CENPP: variants seen among roughly 807,000 people sequenced by gnomAD.
CENPP encodes the protein centromere protein P.
CENPP carries 24 observed loss-of-function variants against 35.6 expected under a neutral mutation model. That is an observed-to-expected ratio of 0.67 (90% CI 0.49 to 0.95). CENPP has a LOEUF of 0.95. CENPP is among the 40% of genes least tolerant of loss of function. The pLI, the probability that CENPP is intolerant of heterozygous loss-of-function variation, is 0.00. For synonymous variants in CENPP, 120 were observed against 125.5 expected (o/e 0.96, Z 0.29); for missense variants, 332 against 345.3 (o/e 0.96, Z 0.31).
chr9:92,589,881 ACT>A (rs968789742), intron 5 of CENPP, among the ~76,000 whole-genome samples: 45 of 152,096 alleles, frequency 3.0e-4, no homozygotes, highest in African/African-American at 9.9e-4. Context: ...ATATTTCCTG[ACT>A]CTATCAGTTT....
intron 5 of CENPP, among the ~76,000 whole-genome samples, chr9:92,402,490 G>C (rs1843157353): frequency 6.6e-6 from 1 of 152,080 alleles, no homozygotes; most frequent in Non-Finnish European, 1.5e-5. Context: ...ATACATAGTG[G>C]GCAACAGATA....
chr9:92,362,653 C>A (rs1297080290), intron 4 of CENPP, among the ~76,000 whole-genome samples: 2 of 152,152 alleles, frequency 1.3e-5, no homozygotes, highest in Admixed American at 1.3e-4. Context: ...GACTTGATGA[C>A]CACACAATTA....
intron 5 of CENPP, among the ~76,000 whole-genome samples, chr9:92,433,762 T>A (rs1023046753): frequency 6.6e-6 from 1 of 151,888 alleles, no homozygotes; most frequent in Non-Finnish European, 1.5e-5. Flanking sequence ...CAAAACCCCA[T>A]CTCTACTAGA....
intron 5 of CENPP, among the ~76,000 whole-genome samples, chr9:92,592,963 T>C (rs1188939481): frequency 6.6e-6 from 1 of 152,230 alleles, no homozygotes; most frequent in Non-Finnish European, 1.5e-5. Context: ...AAACCCAACC[T>C]AAGTTGGCTT....
intron 5 of CENPP, among the ~76,000 whole-genome samples, chr9:92,523,742 C>G (rs548850796): frequency 1.3e-5 from 2 of 152,282 alleles, no homozygotes; most frequent in East Asian, 1.9e-4. Context: ...TAACTAGGAG[C>G]CTGTACGTCT....
intron 5 of CENPP, among the ~76,000 whole-genome samples, chr9:92,598,367 T>G (rs1375580532): frequency 6.6e-6 from 1 of 152,208 alleles, no homozygotes; most frequent in Non-Finnish European, 1.5e-5. Flanking sequence ...GAGCTTTCTA[T>G]AATCACCCTA....
intron 5 of CENPP, among the ~76,000 whole-genome samples, chr9:92,607,774 T>C (rs1278245365): frequency 6.6e-6 from 1 of 152,240 alleles, no homozygotes; most frequent in African/African-American, 2.4e-5. Flanking sequence ...GTTGGTTTTC[T>C]GTAAAGCTCT....
intron 5 of CENPP, among the ~76,000 whole-genome samples, chr9:92,531,495 A>G (rs1412910106): frequency 6.6e-6 from 1 of 152,078 alleles, no homozygotes; most frequent in African/African-American, 2.4e-5. Context: ...TTTAGATCAG[A>G]TTTTTCATCC....
intron 5 of CENPP, among the ~76,000 whole-genome samples, chr9:92,518,101 C>T (rs1847837169): frequency 6.6e-6 from 1 of 152,176 alleles, no homozygotes; most frequent in Non-Finnish European, 1.5e-5. Context: ...GTGAACTCCT[C>T]ATGGTAACTT....
chr9:92,325,715 G>T (rs1481568672), upstream of CENPP: 7 of 377,622 alleles, frequency 1.9e-5, no homozygotes, highest in East Asian at 3.5e-4. Flanking sequence ...GCAGCGGAGC[G>T]CTTGGGCTTG....
chr9:92,358,190 A>T (rs1841644209), intron 4 of CENPP, among the ~76,000 whole-genome samples: 1 of 149,960 alleles, frequency 6.7e-6, no homozygotes, highest in African/African-American at 2.5e-5. Flanking sequence ...CCTACAGTGC[A>T]GAAGTTGGTA....
chr9:92,474,896 A>G, intron 5 of CENPP: 1 of 1,610,534 alleles, frequency 6.2e-7, no homozygotes, highest in African/African-American at 1.3e-5. Flanking sequence ...ATACTCCTTC[A>G]TGGTGTCTTA....
intron 5 of CENPP, among the ~76,000 whole-genome samples, chr9:92,566,385 C>T (rs566620517): frequency 6.6e-6 from 1 of 151,260 alleles, no homozygotes; most frequent in South Asian, 2.1e-4. Flanking sequence ...TAAACAGAAA[C>T]TGTCCATGAA....
intron 5 of CENPP, among the ~76,000 whole-genome samples, chr9:92,541,964 TTG>T (rs1479928045): frequency 2.0e-5 from 3 of 152,106 alleles, no homozygotes; most frequent in Admixed American, 1.3e-4. Flanking sequence ...CAGCTAATTT[TTG>T]TATTTTTAAT....
intron 5 of CENPP, among the ~76,000 whole-genome samples, chr9:92,589,706 C>T (rs904945040): frequency 2.0e-5 from 3 of 152,226 alleles, no homozygotes; most frequent in South Asian, 2.1e-4. Context: ...TTCTCTTATG[C>T]GTTTACGAAA....
At chr9:92,367,456 C>T (rs1261860479) in intron 4 of CENPP, among the ~76,000 whole-genome samples, 1 of 152,108 alleles carries the variant, frequency 6.6e-6, no homozygotes, top group East Asian at 1.9e-4. Context: ...CGTGAGCCAC[C>T]ATGCCTGGCC....
intron 5 of CENPP, among the ~76,000 whole-genome samples, chr9:92,555,446 C>T (rs1386398803): frequency 6.6e-6 from 1 of 151,712 alleles, no homozygotes; most frequent in Non-Finnish European, 1.5e-5. Flanking sequence ...CCAGGCTGTT[C>T]TCGAACTCCT....
At chr9:92,574,055 G>T (rs1198555921) in intron 5 of CENPP, among the ~76,000 whole-genome samples, 2 of 152,118 alleles carry the variant, frequency 1.3e-5, no homozygotes, top group Non-Finnish European at 1.5e-5. Flanking sequence ...ACCAGGTGAG[G>T]CGATGCCCCA....
intron 5 of CENPP, among the ~76,000 whole-genome samples, chr9:92,560,398 C>T (rs78579076): frequency 0.011 from 1,731 of 152,212 alleles, 26 homozygotes; most frequent in African/African-American, 0.038. Flanking sequence ...GGTATGAACC[C>T]GTACCTCCCC....
Sources: gnomAD v4.1 joint callset for allele counts (sites outside exome capture counted in the v4.1 genomes callset) on GRCh38, gnomAD v4.1.1 for gene constraint, MANE v1.5 for transcripts, NCBI Gene and HGNC (gene_info 2026-07-23, HGNC 2026-07-21) for gene names.